Variants in TFCP2 observed in about 807,000 individuals in gnomAD.
TFCP2 encodes the protein alpha-globin transcription factor CP2.
TFCP2 carries 33 observed loss-of-function variants against 73.4 expected under a neutral mutation model. The ratio of observed to expected loss-of-function variants is 0.45; its 90% confidence interval spans 0.34 to 0.60. TFCP2 has a LOEUF of 0.60. TFCP2 is among the 20% of genes least tolerant of loss of function. TFCP2 has a pLI of 0.01. For synonymous variants in TFCP2, 193 were observed against 211.6 expected, an observed-to-expected ratio of 0.91 and a Z score of 0.76; for missense variants, 352 against 604.0, an observed-to-expected ratio of 0.58 and a Z score of 4.37.
intron 1 of TFCP2, among the ~76,000 whole-genome samples, chr12:51,151,317 T>C (rs538472370): frequency 7.2e-5 from 11 of 152,312 alleles, no homozygotes; most frequent in African/African-American, 2.6e-4. Context: ...AGTAGCATGA[T>C]CTGATGAACA....
At position 51,128,495 on chromosome 12, in the gene TFCP2, A is replaced by C. The variant is rs541926954; in HGVS notation, c.123-9723T>G. ...TATAATAATAAAAAAAAAAAAAACA[A>C]AAAAAACAAACTAGTATTGGGAACA... On this transcript the variant is annotated intron_variant, in intron 1 of 14. Transcript: ENST00000257915. Among the ~76,000 whole-genome samples, 29 of 151,898 alleles carry C rather than the reference A, an allele frequency of 1.9e-4. 1 individual carries two copies. The highest frequency in any genetic ancestry group is 6.8e-4 in the African/African-American group (28 of 41,480).
intron 7 of TFCP2, 77 bp downstream of exon 7, chr12:51,107,159 C>A: frequency 8.4e-7 from 1 of 1,193,288 alleles, no homozygotes; most frequent in Admixed American, 2.2e-5. Flanking sequence ...GAAGTAAATT[C>A]TGACCAGTTT....
At chr12:51,150,630 T>C (rs1167913569) in intron 1 of TFCP2, among the ~76,000 whole-genome samples, 1 of 151,894 alleles carries the variant, frequency 6.6e-6, no homozygotes, top group Non-Finnish European at 1.5e-5. Context: ...ATTTGGAAGA[T>C]GGACAGATGA....
intron 8 of TFCP2, among the ~76,000 whole-genome samples, chr12:51,104,781 G>C (rs959636553): frequency 6.7e-6 from 1 of 149,260 alleles, no homozygotes; most frequent in Admixed American, 6.7e-5. Flanking sequence ...GCATGATCTC[G>C]GCTCACTGCA....
At position 51,109,214 on chromosome 12, in the gene TFCP2, T is replaced by A. The variant is rs1327571945; in HGVS notation, c.624A>T (p.Pro208=). The change falls in exon 6 of 15, where the codon CCA becomes CCT. Residue 208 remains proline (P), a synonymous_variant. Coordinates refer to ENST00000257915, the MANE Select transcript of TFCP2 (RefSeq NM_005653.5). ...MRKHGGEKGV[P]FRVQIDTFKE... Reference sequence around the variant, plus strand: ...TGAAGGTATCTATTTGTACTCGGAATGGCACCCCCTTTTCTCCACCATGTT... The same window carrying A: ...TGAAGGTATCTATTTGTACTCGGAAAGGCACCCCCTTTTCTCCACCATGTT... 3.1e-6 allele frequency: 5 copies of A among 1,614,220 alleles called. No homozygotes were observed. Among genetic ancestry groups the A allele is most frequent in the Middle Eastern group, 1.6e-4 (1 of 6,062 alleles).
chr12:51,166,987 T>C (rs576692768), intron 1 of TFCP2, among the ~76,000 whole-genome samples: 5 of 152,246 alleles, frequency 3.3e-5, no homozygotes, highest in Admixed American at 3.3e-4. Context: ...CTCCATTCCC[T>C]CCTCCTCCAT....
At chr12:51,109,386 A>G (rs1940338210) in intron 5 of TFCP2, 113 bp from the exon 6 acceptor site, 4 of 1,002,754 alleles carry the variant, frequency 4.0e-6, no homozygotes, top group Non-Finnish European at 5.9e-6. Flanking sequence ...ATGAATACCT[A>G]CAAAAAACAC....
Position 51,105,823 on chromosome 12 carries a change from T to C in TFCP2, c.917+702A>G, listed in dbSNP as rs573451083. Among the ~76,000 whole-genome samples the C allele has an allele frequency of 5.3e-5, 8 of 152,312 alleles. No individual in the cohort carries two copies. In the East Asian group the frequency reaches 9.6e-4, roughly 18 times the overall value. ...CTAAATAAATCCAAAACCACAAACA[T>C]TGCAACCAAACAATATACTCGCACA... On this transcript the variant is annotated intron_variant, in intron 8 of 14. Coordinates refer to ENST00000257915, the MANE Select transcript of TFCP2 (RefSeq NM_005653.5).
In TFCP2 at chr12:51,118,613, C is replaced by G. The variant is rs1253036380; in HGVS notation, c.274+8G>C. ...GCAATAGTACTAATGAATGAGGAAG[C>G]ATCTAACCTTGATTGAGATACGTTA... On this transcript the variant is annotated splice_region_variant and intron_variant, in intron 2 of 14. Coordinates refer to ENST00000257915, the MANE Select transcript of TFCP2 (RefSeq NM_005653.5). 12 of 1,613,436 alleles carry G rather than the reference C, an allele frequency of 7.4e-6. No individual in the cohort carries two copies. Among genetic ancestry groups the G allele is most frequent in the South Asian group, 4.4e-5 (4 of 90,978 alleles).
intron 1 of TFCP2, among the ~76,000 whole-genome samples, chr12:51,152,730 C>A (rs1057292927): frequency 2.0e-5 from 3 of 152,170 alleles, no homozygotes; most frequent in Admixed American, 6.5e-5. Flanking sequence ...TTCACAAATT[C>A]TTTGTAGTAT....
rs188389764 is a variant in TFCP2 at position 51,159,756 on chromosome 12, G to A, written c.122+12545C>T. Among the ~76,000 whole-genome samples the A allele has an allele frequency of 3.0e-3, 449 of 152,164 alleles. 4 individuals are homozygous for A. The highest frequency in any genetic ancestry group is 0.01 in the African/African-American group (426 of 41,526). On this transcript the variant is annotated intron_variant, in intron 1 of 14. Coordinates refer to ENST00000257915, the MANE Select transcript of TFCP2 (RefSeq NM_005653.5). ...TCTCGCCTCAGCCTCCCAAAGTCCT[G>A]GGGACCAGCCACTGCACTTGATCCA...
At chr12:51,166,391 C>T (rs541087364) in intron 1 of TFCP2, among the ~76,000 whole-genome samples, 123 of 151,782 alleles carry the variant, frequency 8.1e-4, no homozygotes, top group African/African-American at 2.7e-3. Context: ...TAGCATGACC[C>T]TGCCTCAAAA....
At chr12:51,141,940 C>T (rs924191598) in intron 1 of TFCP2, among the ~76,000 whole-genome samples, 5 of 146,754 alleles carry the variant, frequency 3.4e-5, no homozygotes, top group East Asian at 4.1e-4. Flanking sequence ...CACAGTGGCT[C>T]ACGCCTGTAA....
intron 1 of TFCP2, chr12:51,124,782 T>C: frequency 1.2e-6 from 1 of 815,230 alleles, no homozygotes; most frequent in Non-Finnish European, 2.1e-6. Flanking sequence ...CTTTTTCTGC[T>C]GCTCAGCCTT....
At chr12:51,117,910 T>C (rs1267062697) in intron 2 of TFCP2, among the ~76,000 whole-genome samples, 163 bp from the exon 3 acceptor site, 1 of 152,216 alleles carries the variant, frequency 6.6e-6, no homozygotes, top group Non-Finnish European at 1.5e-5. Flanking sequence ...CTGTGCTAAG[T>C]ATTGTCACAT....
intron 8 of TFCP2, among the ~76,000 whole-genome samples, chr12:51,105,982 A>G (rs1940226891): frequency 1.3e-5 from 2 of 152,238 alleles, no homozygotes; most frequent in African/African-American, 4.8e-5. Flanking sequence ...TTATGGTAAA[A>G]GATAATAAGG....
rs536617152 is a variant in TFCP2, at chr12:51,118,545, A to AAAAC, written c.274+72_274+75dup. On this transcript the variant is annotated intron_variant, in intron 2 of 14. Coordinates refer to ENST00000257915, the MANE Select transcript of TFCP2 (RefSeq NM_005653.5). ...ACTCCAGCCTGGGTGACGCCGTCTC[A>AAAAC]AAACAAACAAACAAACAAAAAAATC... The AAAAC allele has an allele frequency of 1.1e-5, 17 of 1,549,634 alleles. No individual in the cohort carries two copies. The Admixed American group carries it at 2.4e-4, about 22-fold the overall frequency.
At chr12:51,148,284 G>C (rs1206821454) in intron 1 of TFCP2, among the ~76,000 whole-genome samples, 1 of 152,172 alleles carries the variant, frequency 6.6e-6, no homozygotes, top group Non-Finnish European at 1.5e-5. Flanking sequence ...CCACTGCTGG[G>C]TATCTACCCA....
intron 11 of TFCP2, among the ~76,000 whole-genome samples, 168 bp downstream of exon 11, chr12:51,101,767 A>G (rs557773187): frequency 6.6e-6 from 1 of 152,308 alleles, no homozygotes; most frequent in African/African-American, 2.4e-5. Context: ...TTCCTTGGAC[A>G]AAGTGCAAGA....
Sources: allele counts gnomAD v4.1 joint callset (sites outside exome capture counted in the v4.1 genomes callset), GRCh38; gene constraint gnomAD v4.1.1; transcripts MANE v1.5; gene names NCBI Gene and HGNC (gene_info 2026-07-23, HGNC 2026-07-21).